HDAC9: variants seen among roughly 807,000 people sequenced by gnomAD.
HDAC9 encodes MEF-2 interacting transcription repressor (MITR) protein.
A neutral mutation model predicts 139.4 loss-of-function variants in HDAC9; 41 were observed. The observed-to-expected ratio is 0.29, with a 90% CI of 0.23 to 0.38. The LOEUF (loss-of-function observed/expected upper bound fraction) is 0.38. HDAC9 is among the 10% of genes least tolerant of loss of function. The pLI is 1.00. For missense variants in HDAC9, 1,147 were observed against 1,297.0 expected (o/e 0.88, Z 1.78); for synonymous variants, 517 against 476.2 (o/e 1.09, Z -1.12).
Position 18,999,043 on chromosome 7 carries a change from G to A in HDAC9, c.*2981G>A, listed in dbSNP as rs1786617038. On this transcript the variant is annotated 3_prime_UTR_variant, in exon 26 of 26. Transcript: ENST00000686413. ...TTGCTTAGTAAATGGAAAGAACATT[G>A]TGAGATGAACTATCTTTAAATATTG... 1 of 152,170 alleles carries A rather than the reference G, an allele frequency of 6.6e-6. No homozygotes were observed. Among genetic ancestry groups the A allele is most frequent in the African/African-American group, 2.4e-5 (1 of 41,456 alleles). The allele number at this position is 152,170 out of a possible 1,614,324, so 9.4% of individuals were successfully genotyped here.
At chr7:18,514,619 CT>C (rs1278171728) in intron 2 of HDAC9, among the ~76,000 whole-genome samples, 1 of 152,094 alleles carries the variant, frequency 6.6e-6, no homozygotes, top group Admixed American at 6.6e-5. Context: ...TTCCAGCTAT[CT>C]TTTTTCCCCA....
intron 1 of HDAC9, among the ~76,000 whole-genome samples, chr7:18,371,227 C>T (rs537797423): frequency 3.3e-5 from 5 of 152,124 alleles, no homozygotes; most frequent in African/African-American, 1.2e-4. Flanking sequence ...TGTAGGTGCA[C>T]ACTTTTCCCC....
rs938056822 is a variant in HDAC9, at chr7:18,176,171, A to T, written c.25+13822A>T. 5.0e-4 allele frequency among the ~76,000 whole-genome samples: 76 copies of T among 152,314 alleles called. 2 individuals are homozygous for T. Among genetic ancestry groups the T allele is most frequent in the Non-Finnish European group, 8.8e-5 (6 of 68,028 alleles). ...GTCATGAGTTTTGGACTCTCTAGGAATGTAAACATGTTTAATAAAAGCTGG... is the reference window on the plus strand; with the variant it reads ...GTCATGAGTTTTGGACTCTCTAGGATTGTAAACATGTTTAATAAAAGCTGG... On this transcript the variant is annotated intron_variant, in intron 2 of 12. Transcript: ENST00000417496.
intron 1 of HDAC9, among the ~76,000 whole-genome samples, chr7:18,471,485 T>C (rs572953064): frequency 2.0e-5 from 3 of 152,228 alleles, no homozygotes; most frequent in Non-Finnish European, 4.4e-5. Flanking sequence ...TCTATAAGTA[T>C]GAATGATTAT....
chr7:18,887,534 A>G (rs1322837119), intron 22 of HDAC9, among the ~76,000 whole-genome samples: 1 of 152,188 alleles, frequency 6.6e-6, no homozygotes, highest in African/African-American at 2.4e-5. Context: ...ATGAGAATCA[A>G]ATGAGGTAAT....
intron 1 of HDAC9, among the ~76,000 whole-genome samples, chr7:18,469,096 A>G (rs1794528752): frequency 6.6e-6 from 1 of 152,186 alleles, no homozygotes; most frequent in Admixed American, 6.5e-5. Context: ...GTTTTCCCAC[A>G]GATAGCCACC....
intron 1 of HDAC9, among the ~76,000 whole-genome samples, chr7:18,294,477 C>T (rs1210938104): frequency 5.9e-5 from 9 of 152,088 alleles, no homozygotes. Context: ...CTTTAAACAA[C>T]CTGAATGGCA....
intron 23 of HDAC9, among the ~76,000 whole-genome samples, chr7:18,947,938 A>G (rs924214972): frequency 4.4e-4 from 67 of 152,162 alleles, no homozygotes; most frequent in Non-Finnish European, 5.9e-5. Flanking sequence ...CAACTTTCCA[A>G]ACTAATTCAT....
At chr7:18,916,201 C>CA (rs1278928782) in intron 22 of HDAC9, among the ~76,000 whole-genome samples, 1 of 151,918 alleles carries the variant, frequency 6.6e-6, no homozygotes, top group Non-Finnish European at 1.5e-5. Context: ...TATGAAATGT[C>CA]AGTCACTAGC....
intron 1 of HDAC9, among the ~76,000 whole-genome samples, chr7:18,116,953 A>G (rs1221979708): frequency 6.6e-6 from 1 of 152,252 alleles, no homozygotes; most frequent in Non-Finnish European, 1.5e-5. Context: ...TTAAGTAGGC[A>G]TAGTTGCCTT....
At chr7:18,786,838 TC>T in intron 16 of HDAC9, among the ~76,000 whole-genome samples, 1 of 31,064 alleles carries the variant, frequency 3.2e-5, no homozygotes, top group Non-Finnish European at 1.4e-4. Flanking sequence ...CTTCCTTCAT[TC>T]CTTCCTTCCT....
At chr7:18,256,648 T>C (rs1293032222) in intron 2 of HDAC9, among the ~76,000 whole-genome samples, 3 of 152,264 alleles carry the variant, frequency 2.0e-5, no homozygotes, top group African/African-American at 7.2e-5. Context: ...TTTTAGTTGC[T>C]TTATAGTTTT....
At chr7:18,173,052 G>A (rs1185799390) in intron 2 of HDAC9, among the ~76,000 whole-genome samples, 3 of 152,160 alleles carry the variant, frequency 2.0e-5, no homozygotes, top group African/African-American at 7.2e-5. Context: ...ACAGTGGGGT[G>A]TTAAAGTCTC....
chr7:18,213,623 G>A (rs1792101678), intron 2 of HDAC9, among the ~76,000 whole-genome samples: 1 of 152,088 alleles, frequency 6.6e-6, no homozygotes, highest in South Asian at 2.1e-4. Context: ...ATTTTATTCA[G>A]CTCCTATTCA....
At chr7:18,687,115 A>G (rs568296950) in intron 12 of HDAC9, among the ~76,000 whole-genome samples, 2 of 151,952 alleles carry the variant, frequency 1.3e-5, no homozygotes, top group South Asian at 4.1e-4. Flanking sequence ...CATAAATATA[A>G]ATAGTTAATA....
intron 1 of HDAC9, among the ~76,000 whole-genome samples, chr7:18,118,121 T>A (rs1019688531): frequency 1.3e-5 from 2 of 152,206 alleles, no homozygotes; most frequent in Non-Finnish European, 2.9e-5. Context: ...GGCTCAGGGT[T>A]AACATGCATT....
chr7:18,755,608 C>T (rs1788806912), intron 14 of HDAC9, among the ~76,000 whole-genome samples: 1 of 151,966 alleles, frequency 6.6e-6, no homozygotes. Flanking sequence ...GGTTCAGTTG[C>T]ATAAAGGATT....
intron 1 of HDAC9, among the ~76,000 whole-genome samples, chr7:18,136,088 G>T (rs1785394431): frequency 2.0e-5 from 3 of 150,398 alleles, no homozygotes; most frequent in African/African-American, 7.5e-5. Context: ...TTTTTTGGCT[G>T]TATAAATGTC....
intron 2 of HDAC9, among the ~76,000 whole-genome samples, chr7:18,257,320 C>T (rs977824465): frequency 6.7e-6 from 1 of 149,742 alleles, no homozygotes; most frequent in African/African-American, 2.5e-5. Context: ...TGTGATTGCG[C>T]TACTGCACTC....
Sources: gnomAD v4.1 joint callset for allele counts (sites outside exome capture counted in the v4.1 genomes callset) on GRCh38, gnomAD v4.1.1 for gene constraint, MANE v1.5 for transcripts, NCBI Gene and HGNC (gene_info 2026-07-23, HGNC 2026-07-21) for gene names.